The following KRT5 variants were observed in gnomAD, a reference collection of about 807,000 sequenced individuals.
The protein encoded by KRT5 is keratin 5.
A neutral mutation model predicts 44.0 loss-of-function variants in KRT5; 17 were observed. That is an observed-to-expected ratio of 0.39 (90% CI 0.26 to 0.58). The LOEUF (loss-of-function observed/expected upper bound fraction) is 0.58, where lower values mean the gene tolerates loss of function less well. KRT5 is among the 20% of genes least tolerant of loss of function. KRT5 has a pLI of 0.61. For synonymous variants in KRT5, 329 were observed against 312.8 expected, an observed-to-expected ratio of 1.05 and a Z score of -0.55; for missense variants, 737 against 785.5, an observed-to-expected ratio of 0.94 and a Z score of 0.74.
rs201274668 is a variant in KRT5, at chr12:52,515,220, A to G, written c.1495T>C (p.Ser499Pro). The stretch of plus-strand genomic sequence containing the variant: ...CCACTGCCACTGCCATATCCAGAGG[A>G]AACACTGCTTGTGACAACAGCTGCA... ...VNISVVTSSV[S>P]SGYGSGSGYG... Residue 499 changes from serine (S) to proline (P), a missense_variant, in exon 9 of 9, where the codon TCC becomes CCC. Ser to Pro is a moderately conservative substitution (Grantham distance 74). This residue lies in a region of KRT5 where 344 missense variants were observed against 351.6 expected (regional missense o/e 0.98). Coordinates refer to ENST00000252242, the MANE Select transcript of KRT5 (RefSeq NM_000424.4). 7.0e-5 allele frequency: 112 copies of G among 1,608,892 alleles called. No individual in the cohort carries two copies. Among genetic ancestry groups the G allele is most frequent in the Non-Finnish European group, 2.5e-5 (29 of 1,179,974 alleles).
Position 52,520,318 on chromosome 12 carries a change from C to T in KRT5, c.-22G>A. 1 of 1,610,374 alleles carries T rather than the reference C, an allele frequency of 6.2e-7. No individual in the cohort carries two copies. The highest frequency in any genetic ancestry group is 8.5e-7 in the Non-Finnish European group (1 of 1,178,596). On this transcript the variant is annotated 5_prime_UTR_variant, in exon 1 of 9. Coordinates refer to ENST00000252242, the MANE Select transcript of KRT5 (RefSeq NM_000424.4). ...ACATGGTGGCTTGTTCCTGGTGGAGCAAGAGAACCAGGCACTAGTGGGTTG... is the reference window on the plus strand; with the variant it reads ...ACATGGTGGCTTGTTCCTGGTGGAGTAAGAGAACCAGGCACTAGTGGGTTG...
Position 52,517,643 on chromosome 12 carries a change from C to G in KRT5, c.1039G>C (p.Glu347Gln). Residue 347 changes from glutamate (E) to glutamine (Q), a missense_variant, in exon 5 of 9, where the codon GAG becomes CAG. Transcript: ENST00000252242. ...SIIAEVKAQY[E>Q]EIANRSRTEA... is the part of the protein sequence containing the mutation. Reference sequence around the variant, plus strand: ...GTCCGGCTGCGGTTGGCAATCTCCTCATACTGGGCCTTGACCTCAGCGATG... The same window carrying G: ...GTCCGGCTGCGGTTGGCAATCTCCTGATACTGGGCCTTGACCTCAGCGATG... 6.2e-7 allele frequency: 1 copy of G among 1,614,188 alleles called. No homozygotes were observed. Among genetic ancestry groups the G allele is most frequent in the Admixed American group, 1.7e-5 (1 of 60,032 alleles).
chr12:52,515,392 T>C, intron 8 of KRT5, 152 bp from the exon 9 acceptor site: 1 of 1,145,722 alleles, frequency 8.7e-7, no homozygotes, highest in Non-Finnish European at 1.3e-6. Context: ...TTAATTAAGG[T>C]CCCTAAAAAA....
intron 5 of KRT5, 25 bp from the exon 6 acceptor site, chr12:52,517,257 G>T: frequency 6.2e-7 from 1 of 1,613,808 alleles, no homozygotes; most frequent in Non-Finnish European, 8.5e-7. Flanking sequence ...AAAGAGGAAA[G>T]ATTCTGTTTA....
At position 52,516,801 on chromosome 12, in the gene KRT5, G is replaced by A. The variant is rs962046438; in HGVS notation, c.1275C>T (p.Leu425=). Reference sequence around the variant, plus strand: ...CGGCCAGCTTGTTCCTGGCATCCTTGAGGGCCAGCTCCCCACGCTGCTCGG... The same window carrying A: ...CGGCCAGCTTGTTCCTGGCATCCTTAAGGGCCAGCTCCCCACGCTGCTCGG... ...ADAEQRGELA[L]KDARNKLAEL... is the part of the protein sequence containing the mutation. Residue 425 remains leucine (L), a synonymous_variant, in exon 7 of 9, where the codon CTC becomes CTT. Coordinates refer to ENST00000252242, the MANE Select transcript of KRT5 (RefSeq NM_000424.4). 2 of 1,614,154 alleles carry A rather than the reference G, an allele frequency of 1.2e-6. No individual in the cohort carries two copies.
At position 52,520,124 on chromosome 12, in the gene KRT5, C is replaced by T. The variant is rs1938691568; in HGVS notation, c.173G>A (p.Gly58Asp). Residue 58 changes from glycine to aspartate, a missense_variant, in exon 1 of 9, where the codon GGT (glycine) becomes GAT (aspartate). Transcript: ENST00000252242. ...RVSLAGACGV[G>D]GYGSRSLYNL... ...GTAGAGGCTCCGGCTGCCATAGCCA[C>T]CCACTCCACAAGCACCCGCAAGGCT... is the stretch of plus-strand genomic sequence containing the variant. The T allele has an allele frequency of 6.2e-7, 1 of 1,614,046 alleles. No individual in the cohort carries two copies. Among genetic ancestry groups the T allele is most frequent in the Non-Finnish European group, 8.5e-7 (1 of 1,179,962 alleles).
chr12:52,515,523 C>G (rs1164119084), intron 8 of KRT5: 7 of 621,572 alleles, frequency 1.1e-5, no homozygotes, highest in African/African-American at 1.8e-5. Flanking sequence ...GAGCTAGGTA[C>G]TGGGGGGAGC....
intron 8 of KRT5, 141 bp downstream of exon 8, chr12:52,515,657 C>G: frequency 9.1e-6 from 7 of 766,854 alleles, no homozygotes; most frequent in Non-Finnish European, 1.6e-5. Flanking sequence ...CTCCACCACC[C>G]ACAACTTACT....
chr12:52,520,297 G>T lies in KRT5; in HGVS notation c.-1C>A, dbSNP rs920084258. ...AGGACACACTTGACTGGCGAGACAT[G>T]GTGGCTTGTTCCTGGTGGAGCAAGA... On this transcript the variant is annotated 5_prime_UTR_variant, in exon 1 of 9. Transcript: ENST00000252242. The T allele has an allele frequency of 6.2e-7, 1 of 1,612,740 alleles. No homozygotes were observed. Among genetic ancestry groups the T allele is most frequent in the African/African-American group, 1.3e-5 (1 of 74,906 alleles).
chr12:52,514,946 C>T lies in KRT5; in HGVS notation c.1769G>A (p.Ser590Asn), dbSNP rs770756355. The change falls in exon 9 of 9, where the codon AGC (serine) becomes AAC (asparagine). Residue 590 changes from serine (S) to asparagine (N), a missense_variant. Coordinates refer to ENST00000252242, the MANE Select transcript of KRT5 (RefSeq NM_000424.4). ...TTSSSRKSFK[S>N] Reference sequence around the variant, plus strand: ...GCAGTGACTTGCAGCAGGTTCTTAGCTCTTGAAGCTCTTCCGGGAGGAGGA... The same window carrying T: ...GCAGTGACTTGCAGCAGGTTCTTAGTTCTTGAAGCTCTTCCGGGAGGAGGA... 3 of 1,613,530 alleles carry T rather than the reference C, an allele frequency of 1.9e-6. No homozygotes were observed. The highest frequency in any genetic ancestry group is 2.2e-5 in the East Asian group (1 of 44,878).
rs368289265 is a variant in KRT5, at chr12:52,518,181, G to A, written c.771-18C>T. ...CCTCATACCTGGTGGTGAAAGGGAT[G>A]GGAAGTGTTTGTCAGAGGATGAGCA... On this transcript the variant is annotated intron_variant, in intron 2 of 8. Transcript: ENST00000252242. 5.0e-6 allele frequency: 8 copies of A among 1,613,516 alleles called. No homozygotes were observed. The highest frequency in any genetic ancestry group is 2.2e-5 in the East Asian group (1 of 44,900).
chr12:52,514,951 G>T lies in KRT5; in HGVS notation c.1764C>A (p.Phe588Leu). 1 of 1,613,626 alleles carries T rather than the reference G, an allele frequency of 6.2e-7. No individual in the cohort carries two copies. Among genetic ancestry groups the T allele is most frequent in the South Asian group, 1.1e-5 (1 of 91,042 alleles). ...GACTTGCAGCAGGTTCTTAGCTCTT[G>T]AAGCTCTTCCGGGAGGAGGAGGTGG... is the stretch of plus-strand genomic sequence containing the variant. Reference protein sequence around the residue: ...VSTTSSSRKSFKS With the variant: ...VSTTSSSRKSLKS Residue 588 changes from phenylalanine to leucine, a missense_variant, in exon 9 of 9, where the codon TTC becomes TTA. Phe to Leu is a conservative substitution (Grantham distance 22). Transcript: ENST00000252242.
At position 52,519,109 on chromosome 12, in the gene KRT5, G is replaced by A; in HGVS notation, c.607C>T (p.Leu203=). Reference sequence around the variant, plus strand: ...ACAGTCTTGGTGCCCTGCTCCTGCAGCAGGGTCCACTTGGTGTCCAGAACC... The same window carrying A: ...ACAGTCTTGGTGCCCTGCTCCTGCAACAGGGTCCACTTGGTGTCCAGAACC... The part of the protein sequence containing the change: ...NKVLDTKWTL[L]QEQGTKTVRQ... Residue 203 remains leucine (L), a synonymous_variant, in exon 2 of 9, where the codon CTG becomes TTG. Coordinates refer to ENST00000252242, the MANE Select transcript of KRT5 (RefSeq NM_000424.4). 1 of 1,614,228 alleles carries A rather than the reference G, an allele frequency of 6.2e-7. No homozygotes were observed.
In KRT5 at chr12:52,517,172, C is replaced by T; in HGVS notation, c.1153G>A (p.Glu385Lys). ...ATCATCCGGTTCATCTCAGAGATCTCATGCTTGGTGTTGCGGAGGTCATCG... is the reference window on the plus strand; with the variant it reads ...ATCATCCGGTTCATCTCAGAGATCTTATGCTTGGTGTTGCGGAGGTCATCG... ...HGDDLRNTKH[E>K]ISEMNRMIQR... is the part of the protein sequence containing the mutation. The change falls in exon 6 of 9, where the codon GAG becomes AAG. Residue 385 changes from glutamate to lysine, a missense_variant. Physicochemically the swap from Glu to Lys is moderately conservative, Grantham distance 56. This residue lies in a region of KRT5 where 344 missense variants were observed against 351.6 expected (regional missense o/e 0.98). Coordinates refer to ENST00000252242, the MANE Select transcript of KRT5 (RefSeq NM_000424.4). The T allele has an allele frequency of 1.2e-6, 2 of 1,614,148 alleles. No homozygotes were observed. Among genetic ancestry groups the T allele is most frequent in the Middle Eastern group, 3.3e-4 (2 of 6,060 alleles).
chr12:52,515,581 G>A (rs1938597071), intron 8 of KRT5: 2 of 644,546 alleles, frequency 3.1e-6, no homozygotes, highest in South Asian at 1.8e-5. Flanking sequence ...AGCATAGGAT[G>A]CATGGCTTAC....
chr12:52,520,077 T>C lies in KRT5; in HGVS notation c.220A>G (p.Ile74Val), dbSNP rs779166505. The change falls in exon 1 of 9, where the codon ATA becomes GTA. Residue 74 changes from isoleucine to valine, a missense_variant. By Grantham distance (29) the Ile-to-Val change is conservative (BLOSUM62 3). Coordinates refer to ENST00000252242, the MANE Select transcript of KRT5 (RefSeq NM_000424.4). ...SLYNLGGSKR[I>V]SISTSGGSFR... is the part of the protein sequence containing the mutation. The stretch of plus-strand genomic sequence containing the variant: ...CTGCCACCACTAGTGCTGATGGATA[T>C]CCTCTTGGAGCCCCCCAGGTTGTAG... 11 of 1,613,988 alleles carry C rather than the reference T, an allele frequency of 6.8e-6. No homozygotes were observed. Among genetic ancestry groups the C allele is most frequent in the Non-Finnish European group, 8.5e-6 (10 of 1,179,996 alleles).
In KRT5 at chr12:52,519,732, C is replaced by G; in HGVS notation, c.555+10G>C. 2.5e-6 allele frequency: 4 copies of G among 1,612,638 alleles called. No homozygotes were observed. The highest frequency in any genetic ancestry group is 2.5e-6 in the Non-Finnish European group (3 of 1,178,798). On this transcript the variant is annotated intron_variant, in intron 1 of 8. Transcript: ENST00000252242. The stretch of plus-strand genomic sequence containing the variant: ...CCCACAGTGATTTTTTACAAAAGAT[C>G]GTAGCTCACCTTGTCGATGAAGGAG...
Position 52,515,005 on chromosome 12 carries a change from A to G in KRT5, c.1710T>C (p.Gly570=), listed in dbSNP as rs201553490. The stretch of plus-strand genomic sequence containing the variant: ...AGACAAATTTGACGCTGGAGCTGCT[A>G]CCCCCGCCACTGCCAAAGCCCACCC... The part of the protein sequence containing the change: ...GLGVGFGSGG[G]SSSSVKFVST... The change falls in exon 9 of 9, where the codon GGT becomes GGC. Residue 570 remains glycine (G), a synonymous_variant. Coordinates refer to ENST00000252242, the MANE Select transcript of KRT5 (RefSeq NM_000424.4). 6.4e-7 allele frequency: 1 copy of G among 1,555,454 alleles called. No homozygotes were observed. Among genetic ancestry groups the G allele is most frequent in the East Asian group, 2.4e-5 (1 of 42,334 alleles).
chr12:52,515,527 G>A, intron 8 of KRT5: 1 of 622,158 alleles, frequency 1.6e-6, no homozygotes, highest in Non-Finnish European at 2.8e-6. Flanking sequence ...TAGGTACTGG[G>A]GGGAGCTAGG....
Sources: allele counts gnomAD v4.1 joint callset, GRCh38; gene constraint gnomAD v4.1.1; regional missense constraint gnomAD v4.1.1; transcripts MANE v1.5; gene names NCBI Gene and HGNC (gene_info 2026-07-23, HGNC 2026-07-21).